Variants in VSNL1 observed in about 807,000 individuals in gnomAD.
The protein encoded by VSNL1 is visinin-like protein 1.
A neutral mutation model predicts 20.4 loss-of-function variants in VSNL1; 6 were observed. The observed-to-expected ratio is 0.29, with a 90% CI of 0.16 to 0.58. The LOEUF is 0.58. Among genes scored for constraint, VSNL1 ranks in the 20% least tolerant of loss-of-function variants. The pLI is 0.90. For synonymous variants in VSNL1, 93 were observed against 86.4 expected (o/e 1.08, Z -0.42); for missense variants, 100 against 234.5 (o/e 0.43, Z 3.75).
At chr2:17,654,998 A>C (rs763913613) in intron 3 of VSNL1, among the ~76,000 whole-genome samples, 199 bp from the exon 4 acceptor site, 1 of 152,346 alleles carries the variant, frequency 6.6e-6, no homozygotes, top group South Asian at 2.1e-4. Context: ...TATTTTAATA[A>C]AGGTGAGATG....
At chr2:17,639,822 C>A (rs1019954901) in intron 2 of VSNL1, among the ~76,000 whole-genome samples, 1 of 152,210 alleles carries the variant, frequency 6.6e-6, no homozygotes, top group Non-Finnish European at 1.5e-5. Flanking sequence ...CCCCTAGGCA[C>A]ACTACTGTTC....
At chr2:17,596,303 T>C (rs1572355036) in intron 2 of VSNL1, among the ~76,000 whole-genome samples, 2 of 152,290 alleles carry the variant, frequency 1.3e-5, no homozygotes, top group Admixed American at 6.5e-5. Context: ...TGCTGATAGG[T>C]TGGGAAGAAA....
chr2:17,587,637 T>G (rs1664507426), intron 1 of VSNL1, among the ~76,000 whole-genome samples: 1 of 152,124 alleles, frequency 6.6e-6, no homozygotes, highest in Non-Finnish European at 1.5e-5. Context: ...GTAGTTGCAG[T>G]ATCTTTGAGA....
intron 3 of VSNL1, among the ~76,000 whole-genome samples, chr2:17,653,715 C>T (rs958991861): frequency 6.6e-6 from 1 of 152,174 alleles, no homozygotes; most frequent in African/African-American, 2.4e-5. Flanking sequence ...CTCTGATTGG[C>T]ATTTCTAAAA....
At chr2:17,639,222 T>C (rs1013175681) in intron 2 of VSNL1, among the ~76,000 whole-genome samples, 3 of 152,166 alleles carry the variant, frequency 2.0e-5, no homozygotes, top group African/African-American at 7.2e-5. Flanking sequence ...TTGAGCAAAT[T>C]TGGACTCCAG....
At position 17,584,187 on chromosome 2, in the gene VSNL1, G is replaced by A. The variant is rs543841749; in HGVS notation, c.-5-7883G>A. ...AGCACACACTTTTTTTCCCTACTAC[G>A]CTAAGTCCAGATGAAAATAAAAGAG... On this transcript the variant is annotated intron_variant, in intron 1 of 3. Transcript: ENST00000295156. Among the ~76,000 whole-genome samples the A allele has an allele frequency of 5.1e-4, 77 of 151,974 alleles. 1 individual carries two copies. The South Asian group carries it at 9.6e-3, about 19-fold the overall frequency.
intron 1 of VSNL1, among the ~76,000 whole-genome samples, chr2:17,586,213 T>TGTGCTG (rs1572348604): frequency 6.6e-6 from 1 of 152,252 alleles, no homozygotes; most frequent in East Asian, 1.9e-4. Flanking sequence ...GGGTTATGTC[T>TGTGCTG]GTGCTGGTTT....
intron 1 of VSNL1, among the ~76,000 whole-genome samples, chr2:17,556,089 G>A (rs887316658): frequency 1.3e-5 from 2 of 151,974 alleles, no homozygotes; most frequent in East Asian, 1.9e-4. Context: ...TAACCAATAC[G>A]AACACATCTA....
chr2:17,610,882 C>T (rs974058356), intron 2 of VSNL1, among the ~76,000 whole-genome samples: 1 of 152,196 alleles, frequency 6.6e-6, no homozygotes, highest in Admixed American at 6.5e-5. Flanking sequence ...GGGTTGGCTC[C>T]TTTTCCCAAG....
intron 1 of VSNL1, among the ~76,000 whole-genome samples, chr2:17,556,882 G>A (rs974825823): frequency 6.6e-6 from 1 of 152,162 alleles, no homozygotes; most frequent in African/African-American, 2.4e-5. Flanking sequence ...AGATATTTCA[G>A]GGGCAAAAGG....
chr2:17,653,926 C>G (rs1335575501), intron 3 of VSNL1, among the ~76,000 whole-genome samples: 1 of 152,230 alleles, frequency 6.6e-6, no homozygotes, highest in African/African-American at 2.4e-5. Context: ...ATCACTGTGT[C>G]TCCATGGATT....
At chr2:17,579,093 C>G (rs1558287985) in intron 1 of VSNL1, among the ~76,000 whole-genome samples, 2 of 152,026 alleles carry the variant, frequency 1.3e-5, no homozygotes, top group Admixed American at 1.3e-4. Context: ...CCTAACAAAG[C>G]CCCCTTCTTT....
At chr2:17,608,291 C>T (rs1184354463) in intron 2 of VSNL1, among the ~76,000 whole-genome samples, 1 of 152,184 alleles carries the variant, frequency 6.6e-6, no homozygotes, top group African/African-American at 2.4e-5. Flanking sequence ...CAAGGTAGTA[C>T]TTATTTTTAT....
At chr2:17,558,304 T>C (rs1356867036) in intron 1 of VSNL1, among the ~76,000 whole-genome samples, 1 of 152,236 alleles carries the variant, frequency 6.6e-6, no homozygotes, top group Non-Finnish European at 1.5e-5. Context: ...TTGAGCCTTA[T>C]AAATCATTTT....
chr2:17,606,467 C>T (rs541674698), intron 2 of VSNL1, among the ~76,000 whole-genome samples: 1 of 152,290 alleles, frequency 6.6e-6, no homozygotes, highest in African/African-American at 2.4e-5. Flanking sequence ...TGGTGAGGGC[C>T]AGGAGGCTGA....
chr2:17,644,017 G>A (rs915413148), intron 2 of VSNL1, among the ~76,000 whole-genome samples: 5 of 152,204 alleles, frequency 3.3e-5, no homozygotes, highest in African/African-American at 1.2e-4. Flanking sequence ...AGATGCTATT[G>A]TCGGGTGTGG....
chr2:17,577,343 T>G (rs575311893), intron 1 of VSNL1, among the ~76,000 whole-genome samples: 2 of 152,360 alleles, frequency 1.3e-5, no homozygotes, highest in African/African-American at 4.8e-5. Context: ...TTTTAAAAGA[T>G]GGCATATGGT....
intron 2 of VSNL1, among the ~76,000 whole-genome samples, chr2:17,593,010 T>A (rs969480946): frequency 6.6e-6 from 1 of 152,158 alleles, no homozygotes; most frequent in Non-Finnish European, 1.5e-5. Context: ...TTTTTAAAAC[T>A]TTTTCTGATT....
chr2:17,631,764 G>A (rs11685944), intron 2 of VSNL1, among the ~76,000 whole-genome samples: 45,766 of 152,244 alleles, frequency 0.3, 8,765 homozygotes, highest in Middle Eastern at 0.57. Context: ...TTTTCATGAC[G>A]TAGCACCAAA....
Sources: gnomAD v4.1 joint callset for allele counts (sites outside exome capture counted in the v4.1 genomes callset) on GRCh38, gnomAD v4.1.1 for gene constraint, MANE v1.5 for transcripts, NCBI Gene and HGNC (gene_info 2026-07-23, HGNC 2026-07-21) for gene names.